Variants in FARP1 observed in about 807,000 individuals in gnomAD.
The protein encoded by FARP1 is FERM, ARH/RhoGEF and pleckstrin domain protein 1, also known as FERM, ARHGEF and pleckstrin domain-containing protein 1.
A neutral mutation model predicts 128.8 loss-of-function variants in FARP1; 52 were observed. That is an observed-to-expected ratio of 0.40 (90% confidence interval 0.32 to 0.51). FARP1 has a LOEUF of 0.51. Among genes scored for constraint, FARP1 ranks in the 20% least tolerant of loss-of-function variants. The pLI is 0.45. For synonymous variants in FARP1, 580 were observed against 551.8 expected (o/e 1.05, Z -0.72); for missense variants, 1,333 against 1,367.9 (o/e 0.97, Z 0.40).
chr13:98,389,841 A>T, intron 9 of FARP1, 116 bp from the exon 10 acceptor site: 1 of 992,476 alleles, frequency 1.0e-6, no homozygotes, highest in Non-Finnish European at 1.5e-6. Flanking sequence ...TCATGCTATA[A>T]TAAAATACAC....
intron 19 of FARP1, among the ~76,000 whole-genome samples, 166 bp from the exon 20 acceptor site, chr13:98,438,638 G>A (rs991122221): frequency 2.0e-5 from 3 of 152,204 alleles, no homozygotes; most frequent in African/African-American, 7.2e-5. Flanking sequence ...GGACCCAGGT[G>A]GGAGGAAGCC....
At chr13:98,301,641 G>T (rs1594375639) in intron 2 of FARP1, among the ~76,000 whole-genome samples, 1 of 152,170 alleles carries the variant, frequency 6.6e-6, no homozygotes, top group African/African-American at 2.4e-5. Context: ...TTTTAGAGGG[G>T]ATAGAACCTA....
intron 12 of FARP1, 39 bp from the exon 13 acceptor site, chr13:98,395,188 T>C: frequency 1.3e-6 from 2 of 1,556,520 alleles, no homozygotes; most frequent in Non-Finnish European, 8.7e-7. Flanking sequence ...AGTCTCCCTC[T>C]TCTCTATCTC....
chr13:98,354,735 C>A (rs1442599279), intron 3 of FARP1, among the ~76,000 whole-genome samples: 2 of 152,126 alleles, frequency 1.3e-5, no homozygotes, highest in Admixed American at 6.5e-5. Flanking sequence ...TTCATAACTC[C>A]AAACTGGAAA....
intron 9 of FARP1, 114 bp from the exon 10 acceptor site, chr13:98,389,842 TA>T: frequency 1.0e-6 from 1 of 1,000,972 alleles, no homozygotes; most frequent in African/African-American, 1.6e-5. Context: ...CATGCTATAA[TA>T]AAATACACAG....
intron 1 of FARP1, among the ~76,000 whole-genome samples, chr13:98,187,269 T>A (rs1878940824): frequency 6.6e-6 from 1 of 152,208 alleles, no homozygotes; most frequent in African/African-American, 2.4e-5. Flanking sequence ...GCCTCCTCTT[T>A]GGTGATGGTG....
rs9630321 is a variant in FARP1, at chr13:98,454,725, C to G, written c.*6408C>G. The G allele has an allele frequency of 0.26, 39,242 of 152,188 alleles. 5,207 individuals are homozygous for G. Among genetic ancestry groups the G allele is most frequent in the Non-Finnish European group, 0.3 (20,199 of 68,022 alleles). 9.4% of individuals were successfully genotyped at this position (152,188 alleles called of 1,614,324 possible). A position where few individuals can be genotyped will look rare whatever the true frequency, so the allele number is the denominator to read the frequency against. On this transcript the variant is annotated 3_prime_UTR_variant, in exon 27 of 27. Transcript: ENST00000319562. ...AACTGGCAGGAAGTCTAAGCCATGG[C>G]CACCGTGGTTTTGGCAGCCATCGGG... is the stretch of plus-strand genomic sequence containing the variant.
At chr13:98,198,740 C>T (rs1167659954) in intron 1 of FARP1, among the ~76,000 whole-genome samples, 4 of 151,322 alleles carry the variant, frequency 2.6e-5, no homozygotes, top group Admixed American at 6.6e-5. Flanking sequence ...TAGCTGGGCA[C>T]GGTGGCACAT....
intron 2 of FARP1, among the ~76,000 whole-genome samples, chr13:98,278,244 A>G (rs1032021408): frequency 2.5e-4 from 37 of 147,704 alleles, no homozygotes; most frequent in African/African-American, 9.6e-4. Flanking sequence ...AACATGTTGT[A>G]TGTGTGTGTT....
rs1199487304 is a variant in FARP1, at chr13:98,395,331, G to T, written c.1269G>T (p.Gly423=). 3 of 1,610,388 alleles carry T rather than the reference G, an allele frequency of 1.9e-6. No individual in the cohort carries two copies. The African/African-American group carries it at 4.0e-5, about 21-fold the overall frequency. Residue 423 remains glycine (G), a synonymous_variant, in exon 13 of 27, where the codon GGG becomes GGT. Transcript: ENST00000319562. ...CGAAGGTTTCCGCCGGGGAGCCGGG[G>T]TCGCACCCGAGCCCTGCGCCGAGGA... ...KEPKVSAGEP[G]SHPSPAPRRS...
intron 1 of FARP1, among the ~76,000 whole-genome samples, chr13:98,157,409 G>A (rs915142477): frequency 6.6e-6 from 1 of 151,382 alleles, no homozygotes; most frequent in Non-Finnish European, 1.5e-5. Context: ...CACTGCCCCG[G>A]CCTTCCACCA....
intron 3 of FARP1, among the ~76,000 whole-genome samples, chr13:98,347,780 C>T (rs1019371415): frequency 5.7e-4 from 87 of 152,248 alleles, no homozygotes; most frequent in Non-Finnish European, 5.3e-4. Flanking sequence ...AGACTGTGCA[C>T]CTGTCTTCCA....
intron 2 of FARP1, among the ~76,000 whole-genome samples, chr13:98,304,511 T>A (rs1886055068): frequency 6.6e-6 from 1 of 152,132 alleles, no homozygotes; most frequent in Non-Finnish European, 1.5e-5. Flanking sequence ...TTGAGATAAC[T>A]CTAGGCTGGT....
chr13:98,227,668 C>T (rs1371372327), intron 2 of FARP1, among the ~76,000 whole-genome samples: 2 of 152,130 alleles, frequency 1.3e-5, no homozygotes, highest in Non-Finnish European at 2.9e-5. Context: ...TAATTGAACA[C>T]CCATGTTCAT....
chr13:98,307,987 C>T (rs1016558025), intron 2 of FARP1, among the ~76,000 whole-genome samples: 57 of 151,234 alleles, frequency 3.8e-4, no homozygotes, highest in Non-Finnish European at 6.6e-4. Context: ...ACAGGCTGCC[C>T]CTGGCCTGGA....
chr13:98,197,670 T>A (rs1385274354), intron 1 of FARP1, among the ~76,000 whole-genome samples: 1 of 151,660 alleles, frequency 6.6e-6, no homozygotes, highest in African/African-American at 2.4e-5. Flanking sequence ...AGTCTCGCTC[T>A]GTCACCCAGG....
In FARP1 at chr13:98,208,308, C is replaced by G. The variant is rs557924395; in HGVS notation, c.-23-4912C>G. On this transcript the variant is annotated intron_variant, in intron 1 of 26. Coordinates refer to ENST00000319562, the MANE Select transcript of FARP1 (RefSeq NM_005766.4). ...CCAACATGGTGAAACCCCATCTCTA[C>G]TGGGGAGAAAAAAAAAAAAAAAAGC... is the stretch of plus-strand genomic sequence containing the variant. Among the ~76,000 whole-genome samples, 81 of 129,774 alleles carry G rather than the reference C, an allele frequency of 6.2e-4. No homozygotes were observed. The South Asian group carries it at 0.019, about 31-fold the overall frequency. 85.1% of individuals were successfully genotyped at this position (129,774 alleles called of 152,430 possible).
At chr13:98,332,005 T>C (rs1887529968) in intron 2 of FARP1, among the ~76,000 whole-genome samples, 1 of 152,224 alleles carries the variant, frequency 6.6e-6, no homozygotes, top group African/African-American at 2.4e-5. Context: ...CCACCCAGTT[T>C]ACCAGTCCAT....
chr13:98,200,781 T>G (rs2064415475), intron 1 of FARP1, among the ~76,000 whole-genome samples: 1 of 152,002 alleles, frequency 6.6e-6, no homozygotes, highest in Admixed American at 6.6e-5. Flanking sequence ...ATGAAGTGAG[T>G]ATTTTTTTCC....
Sources: allele counts gnomAD v4.1 joint callset (sites outside exome capture counted in the v4.1 genomes callset), GRCh38; gene constraint gnomAD v4.1.1; transcripts MANE v1.5; gene names NCBI Gene and HGNC (gene_info 2026-07-23, HGNC 2026-07-21).